The following LRRC4C variants were observed in gnomAD, a reference collection of about 807,000 sequenced individuals.
LRRC4C encodes the protein leucine-rich repeat-containing protein 4C.
A neutral mutation model predicts 33.6 loss-of-function variants in LRRC4C; 5 were observed. The ratio of observed to expected loss-of-function variants is 0.15; its 90% CI spans 0.08 to 0.31. The LOEUF (loss-of-function observed/expected upper bound fraction) is 0.31. LRRC4C is among the 10% of genes least tolerant of loss of function. The pLI, the probability that LRRC4C is intolerant of heterozygous loss-of-function variation, is 1.00. For synonymous variants in LRRC4C, 329 were observed against 302.0 expected (o/e 1.09, Z -0.93); for missense variants, 560 against 796.7 (o/e 0.70, Z 3.58).
chr11:40,925,050 A>G (rs1043374124), intron 2 of LRRC4C, among the ~76,000 whole-genome samples: 1 of 152,036 alleles, frequency 6.6e-6, no homozygotes, highest in East Asian at 1.9e-4. Context: ...CCAGGGAGAG[A>G]GCAAATGTGC....
At chr11:40,353,041 A>G (rs1263398134) in intron 3 of LRRC4C, among the ~76,000 whole-genome samples, 1 of 151,980 alleles carries the variant, frequency 6.6e-6, no homozygotes, top group Non-Finnish European at 1.5e-5. Flanking sequence ...TTGATTATTA[A>G]ATGTATTGAG....
chr11:40,615,253 T>TATATATATAAATATAA (rs1555119243), intron 3 of LRRC4C, among the ~76,000 whole-genome samples: 1 of 93,116 alleles, frequency 1.1e-5, no homozygotes, highest in African/African-American at 3.3e-5. Flanking sequence ...TATATATATA[T>TATATATATAAATATAA]ATATATATAT....
chr11:41,212,141 T>C (rs997452014), intron 1 of LRRC4C, among the ~76,000 whole-genome samples: 12 of 152,226 alleles, frequency 7.9e-5, no homozygotes, highest in African/African-American at 2.7e-4. Flanking sequence ...GAGACAATAT[T>C]GAAAGTTTGA....
intron 2 of LRRC4C, among the ~76,000 whole-genome samples, chr11:40,695,789 T>C (rs2136437817): frequency 6.6e-6 from 1 of 152,178 alleles, no homozygotes; most frequent in South Asian, 2.1e-4. Context: ...TCCTGCTTCA[T>C]TCTTTTACTT....
chr11:40,411,985 T>C (rs531236782), intron 3 of LRRC4C, among the ~76,000 whole-genome samples: 30 of 152,118 alleles, frequency 2.0e-4, no homozygotes, highest in Admixed American at 1.0e-3. Context: ...AGTAAATTTC[T>C]TAATGTTAAA....
chr11:41,362,052 T>C (rs947261861), intron 1 of LRRC4C, among the ~76,000 whole-genome samples: 1 of 152,190 alleles, frequency 6.6e-6, no homozygotes, highest in Non-Finnish European at 1.5e-5. Flanking sequence ...CAAAGAAAGT[T>C]TGGAGATGCA....
At chr11:40,660,646 C>G (rs1333715025) in intron 2 of LRRC4C, among the ~76,000 whole-genome samples, 2 of 152,138 alleles carry the variant, frequency 1.3e-5, no homozygotes, top group East Asian at 1.9e-4. Flanking sequence ...ACACAATGAT[C>G]TCTTCCTGAT....
chr11:41,018,432 C>T (rs190363234), intron 1 of LRRC4C, among the ~76,000 whole-genome samples: 1 of 152,292 alleles, frequency 6.6e-6, no homozygotes, highest in East Asian at 1.9e-4. Context: ...CTACTCCCTG[C>T]AGTCTCCAAT....
chr11:40,259,154 C>G (rs942246832), intron 4 of LRRC4C, among the ~76,000 whole-genome samples: 23 of 152,180 alleles, frequency 1.5e-4, no homozygotes, highest in African/African-American at 5.1e-4. Flanking sequence ...GCTTCTCAGA[C>G]TGCACTCTTA....
chr11:40,666,468 T>G (rs1943818087), intron 2 of LRRC4C, among the ~76,000 whole-genome samples: 1 of 152,088 alleles, frequency 6.6e-6, no homozygotes, highest in Non-Finnish European at 1.5e-5. Context: ...AAGGGATATG[T>G]TAATAAAATG....
chr11:40,523,876 C>G (rs1374382780), intron 3 of LRRC4C, among the ~76,000 whole-genome samples: 1 of 152,174 alleles, frequency 6.6e-6, no homozygotes, highest in Non-Finnish European at 1.5e-5. Context: ...CATTCAGTCT[C>G]TCTCAGACTT....
intron 2 of LRRC4C, among the ~76,000 whole-genome samples, chr11:40,921,146 C>T (rs1957159163): frequency 6.6e-6 from 1 of 152,042 alleles, no homozygotes; most frequent in Non-Finnish European, 1.5e-5. Context: ...TGGTCTCAAT[C>T]TCCTTGGCTC....
chr11:40,900,000 T>C (rs2136181752), intron 2 of LRRC4C, among the ~76,000 whole-genome samples: 1 of 152,284 alleles, frequency 6.6e-6, no homozygotes, highest in South Asian at 2.1e-4. Flanking sequence ...ATGGTTTTAG[T>C]GTTTTAATTT....
At chr11:40,977,460 A>G (rs534043713) in intron 1 of LRRC4C, among the ~76,000 whole-genome samples, 1 of 152,136 alleles carries the variant, frequency 6.6e-6, no homozygotes, top group Non-Finnish European at 1.5e-5. Flanking sequence ...GAATTTCTAC[A>G]TAATTTATAA....
At chr11:40,858,028 G>GAAGGT (rs1432224499) in intron 2 of LRRC4C, among the ~76,000 whole-genome samples, 2 of 140,272 alleles carry the variant, frequency 1.4e-5, no homozygotes, top group African/African-American at 5.6e-5. Flanking sequence ...GAAGGGAAGG[G>GAAGGT]AAGGGAAGGG....
In LRRC4C at chr11:40,310,752, G is replaced by C. The variant is rs563566791; in HGVS notation, c.-176+8876C>G. ...TTAAAAGCTAATTTCAATGCTGACT[G>C]TATGCTGGTTTGATTTAAAGTCAAA... On this transcript the variant is annotated intron_variant, in intron 4 of 6. Coordinates refer to ENST00000528697, the MANE Select transcript of LRRC4C (RefSeq NM_001258419.2). Among the ~76,000 whole-genome samples the C allele has an allele frequency of 7.9e-5, 12 of 151,634 alleles. No homozygotes were observed. The East Asian group carries it at 2.3e-3, about 29-fold the overall frequency.
intron 5 of LRRC4C, among the ~76,000 whole-genome samples, chr11:40,218,603 T>C (rs577914865): frequency 8.2e-4 from 90 of 109,118 alleles, no homozygotes; most frequent in Non-Finnish European, 1.5e-3. Context: ...TGTATGTATG[T>C]ATGTATGTAT....
intron 2 of LRRC4C, among the ~76,000 whole-genome samples, chr11:40,911,451 T>C (rs530069188): frequency 1.4e-4 from 22 of 152,264 alleles, no homozygotes; most frequent in Admixed American, 1.4e-3. Context: ...GGAGTGGACC[T>C]CCGGCAAACT....
chr11:41,060,567 G>C (rs919612494), intron 1 of LRRC4C, among the ~76,000 whole-genome samples: 7 of 152,050 alleles, frequency 4.6e-5, no homozygotes, highest in Admixed American at 4.6e-4. Context: ...CTCTTCTTAT[G>C]AGGACACTAA....
Sources: allele counts gnomAD v4.1 joint callset (sites outside exome capture counted in the v4.1 genomes callset), GRCh38; gene constraint gnomAD v4.1.1; transcripts MANE v1.5; gene names NCBI Gene and HGNC (gene_info 2026-07-23, HGNC 2026-07-21).